Variants in CLASRP observed in about 807,000 individuals in gnomAD.
The protein encoded by CLASRP is CLK4 associating serine/arginine rich protein.
A neutral mutation model predicts 99.9 loss-of-function variants in CLASRP; 52 were observed. The observed-to-expected ratio is 0.52, with a 90% CI of 0.42 to 0.66. CLASRP has a LOEUF of 0.66. Among genes scored for constraint, CLASRP ranks in the 30% least tolerant of loss-of-function variants. The pLI, the probability that CLASRP is intolerant of heterozygous loss-of-function variation, is 0.00. For missense variants in CLASRP, 848 were observed against 999.2 expected, an observed-to-expected ratio of 0.85 and a Z score of 2.04; for synonymous variants, 379 against 373.0, an observed-to-expected ratio of 1.02 and a Z score of -0.18.
intron 10 of CLASRP, 72 bp from the exon 11 acceptor site, chr19:45,062,082 G>A (rs770844714): frequency 9.7e-6 from 9 of 926,400 alleles, no homozygotes; most frequent in East Asian, 4.8e-5. Flanking sequence ...TCAGGTTGGC[G>A]GGCTTATCCC....
Position 45,060,334 on chromosome 19 carries a change from T to C in CLASRP, c.711-55T>C. The stretch of plus-strand genomic sequence containing the variant: ...TTCTCTGATGACTCAGTCTGTGTCC[T>C]CCTTACCCTGTGGCCTGCCCCATCC... On this transcript the variant is annotated intron_variant, in intron 8 of 20. Transcript: ENST00000221455. This position sits in a 1 kb window ranked among gnomAD's most constrained non-coding sequence, Gnocchi z 4.6. The C allele has an allele frequency of 6.6e-7, 1 of 1,521,960 alleles. No individual in the cohort carries two copies. Among genetic ancestry groups the C allele is most frequent in the Non-Finnish European group, 9.1e-7 (1 of 1,096,360 alleles). The allele number at this position is 1,521,960 out of a possible 1,614,324, so 94.3% of individuals were successfully genotyped here.
At chr19:45,066,408 G>A (rs1031761225) in intron 13 of CLASRP, among the ~76,000 whole-genome samples, 5 of 151,918 alleles carry the variant, frequency 3.3e-5, no homozygotes, top group African/African-American at 9.7e-5. Context: ...GTGAGCCACC[G>A]CGCCTGGCCC....
chr19:45,056,291 G>A (rs1223211448), intron 5 of CLASRP, among the ~76,000 whole-genome samples, 159 bp from the exon 6 acceptor site: 1 of 152,214 alleles, frequency 6.6e-6, no homozygotes, highest in Non-Finnish European at 1.5e-5. Context: ...AGTTGCTTGT[G>A]TCCCACCAGA....
chr19:45,059,432 C>T (rs555648853), intron 8 of CLASRP, 68 bp downstream of exon 8: 21 of 1,275,900 alleles, frequency 1.6e-5, no homozygotes, highest in Middle Eastern at 1.8e-4. Flanking sequence ...CTATTACTCC[C>T]GGTATTGACA....
chr19:45,059,210 C>T (rs1395997511), intron 7 of CLASRP, 58 bp from the exon 8 acceptor site: 4 of 1,443,762 alleles, frequency 2.8e-6, no homozygotes, highest in Non-Finnish European at 3.8e-6. Context: ...GAGCACTGCC[C>T]CTTCTCCCCT....
At chr19:45,068,589 C>T (rs1038261730) in intron 16 of CLASRP, 109 bp downstream of exon 16, 4 of 837,338 alleles carry the variant, frequency 4.8e-6, no homozygotes, top group Non-Finnish European at 8.2e-6. Context: ...CCTAGAGAGG[C>T]CACGCAGGCA....
At chr19:45,058,473 C>T (rs1269729805) in intron 7 of CLASRP, among the ~76,000 whole-genome samples, 1 of 152,146 alleles carries the variant, frequency 6.6e-6, no homozygotes, top group Non-Finnish European at 1.5e-5. Flanking sequence ...GCAACCTCCA[C>T]CTCCTGGGTT....
chr19:45,064,408 C>T lies in CLASRP; in HGVS notation c.1187C>T (p.Ser396Phe). The change falls in exon 13 of 21, where the codon TCT becomes TTT. Residue 396 changes from serine (S) to phenylalanine (F), a missense_variant. Coordinates refer to ENST00000221455, the MANE Select transcript of CLASRP (RefSeq NM_007056.3). The stretch of plus-strand genomic sequence containing the variant: ...AGGACCTCCAGCTCCCGCTCCAGCT[C>T]TCGCTCCAGCTCCCGCTCTCGCCGT... ...ASRTSSSRSS[S>F]RSSSRSRRGG... is the part of the protein sequence containing the mutation. The T allele has an allele frequency of 6.5e-7, 1 of 1,529,406 alleles. No homozygotes were observed. Among genetic ancestry groups the T allele is most frequent in the Non-Finnish European group, 8.8e-7 (1 of 1,140,402 alleles). The allele number at this position is 1,529,406 out of a possible 1,614,324, so 94.7% of individuals were successfully genotyped here. A position where few individuals can be genotyped will look rare whatever the true frequency, so the allele number is the denominator to read the frequency against.
chr19:45,057,656 G>A (rs1292960950), intron 6 of CLASRP, 94 bp from the exon 7 acceptor site: 16 of 1,434,036 alleles, frequency 1.1e-5, no homozygotes, highest in Non-Finnish European at 1.5e-5. Flanking sequence ...CCTGAGGGGA[G>A]GGGGCCGTGG....
rs571145118 is a variant in CLASRP, at chr19:45,064,459, G to A, written c.1238G>A (p.Arg413His). Residue 413 changes from arginine (R) to histidine (H), a missense_variant, in exon 13 of 21, where the codon CGC (arginine) becomes CAC (histidine). By Grantham distance (29) the Arg-to-His change is conservative. Transcript: ENST00000221455. ...GGTGGGGGCTACTACCGTTCCGGCC[G>A]CCACGCCCGCTCCCGGTCCCGCTCC... ...RRGGGYYRSG[R>H]HARSRSRSWS... is the part of the protein sequence containing the mutation. 5.9e-6 allele frequency: 9 copies of A among 1,528,100 alleles called. No homozygotes were observed. Among genetic ancestry groups the A allele is most frequent in the South Asian group, 1.2e-5 (1 of 83,756 alleles). The allele number at this position is 1,528,100 out of a possible 1,614,324, so 94.7% of individuals were successfully genotyped here.
intron 7 of CLASRP, chr19:45,058,156 C>G (rs190518142): frequency 4.7e-5 from 24 of 505,450 alleles, no homozygotes; most frequent in Non-Finnish European, 6.8e-5. Flanking sequence ...GCTCCATTCT[C>G]CTCCACTTGG....
chr19:45,047,430 AAC>A (rs1555729884), intron 2 of CLASRP: 1 of 151,504 alleles, frequency 6.6e-6, no homozygotes, highest in African/African-American at 2.4e-5. Context: ...AAAAAAAAAA[AAC>A]AGAGAGAGAG....
At chr19:45,042,089 T>C (rs1040328956) in intron 2 of CLASRP, among the ~76,000 whole-genome samples, 7 of 152,196 alleles carry the variant, frequency 4.6e-5, no homozygotes, top group African/African-American at 1.7e-4. Context: ...ACGCCTGTAA[T>C]CCCAGCATTT....
At chr19:45,062,777 A>T (rs747885809) in intron 11 of CLASRP, among the ~76,000 whole-genome samples, 1 of 151,992 alleles carries the variant, frequency 6.6e-6, no homozygotes, top group Non-Finnish European at 1.5e-5. Flanking sequence ...ATGGCAAAAC[A>T]GTGTGACTGA....
At chr19:45,058,825 G>A (rs1000731640) in intron 7 of CLASRP, among the ~76,000 whole-genome samples, 2 of 150,812 alleles carry the variant, frequency 1.3e-5, no homozygotes, top group African/African-American at 2.4e-5. Context: ...ATCTCCAGCC[G>A]CCATCTTTCC....
Position 45,067,868 on chromosome 19 carries a change from G to T in CLASRP, c.1668-147G>T. On this transcript the variant is annotated intron_variant, in intron 14 of 20. Coordinates refer to ENST00000221455, the MANE Select transcript of CLASRP (RefSeq NM_007056.3). This position sits in a 1 kb window ranked among gnomAD's most constrained non-coding sequence, Gnocchi z 4.9. ...GGTCCCTGTCTTACAGGTTCTGTGG[G>T]GTCTGAGAGGGACATGGTTGCACCC... 1.5e-6 allele frequency: 1 copy of T among 687,978 alleles called. No individual in the cohort carries two copies. Among genetic ancestry groups the T allele is most frequent in the Admixed American group, 2.3e-5 (1 of 42,888 alleles). The allele number at this position is 687,978 out of a possible 1,614,324, so 42.6% of individuals were successfully genotyped here.
intron 11 of CLASRP, 70 bp downstream of exon 11, chr19:45,062,265 G>C: frequency 1.1e-6 from 1 of 902,654 alleles, no homozygotes; most frequent in African/African-American, 1.6e-5. Context: ...GTGCTGAGGA[G>C]GGGATGGGAG....
intron 5 of CLASRP, among the ~76,000 whole-genome samples, chr19:45,053,825 T>C (rs1972071932): frequency 6.6e-6 from 1 of 152,176 alleles, no homozygotes; most frequent in Admixed American, 6.5e-5. Context: ...TCTCACTGTG[T>C]TGTCCAGGCT....
chr19:45,053,138 G>A lies in CLASRP; in HGVS notation c.340G>A (p.Glu114Lys). 1 of 1,614,012 alleles carries A rather than the reference G, an allele frequency of 6.2e-7. No individual in the cohort carries two copies. The highest frequency in any genetic ancestry group is 8.5e-7 in the Non-Finnish European group (1 of 1,180,006). The change falls in exon 5 of 21, where the codon GAG becomes AAG. Residue 114 changes from glutamate (E) to lysine (K), a missense_variant. Glu to Lys is a moderately conservative substitution (Grantham distance 56). Transcript: ENST00000221455. ...QESDERKCNY[E>K]RYRGLVQNDF... Reference sequence around the variant, plus strand: ...GTCGGACGAACGGAAGTGTAACTACGAGCGCTACAGAGGCCTGGTGCAGAA... The same window carrying A: ...GTCGGACGAACGGAAGTGTAACTACAAGCGCTACAGAGGCCTGGTGCAGAA...
Sources: gnomAD v4.1 joint callset for allele counts (sites outside exome capture counted in the v4.1 genomes callset) on GRCh38, gnomAD v4.1.1 for gene constraint, Gnocchi (gnomAD v3.1) non-coding constraint, MANE v1.5 for transcripts, NCBI Gene and HGNC (gene_info 2026-07-23, HGNC 2026-07-21) for gene names.